TENM2: variants seen among roughly 807,000 people sequenced by gnomAD.
The protein encoded by TENM2 is teneurin transmembrane protein 2, also known as teneurin-2.
A neutral mutation model predicts 245.2 loss-of-function variants in TENM2; 52 were observed. The ratio of observed to expected loss-of-function variants is 0.21; its 90% CI spans 0.17 to 0.27. The LOEUF (loss-of-function observed/expected upper bound fraction) is 0.27, where lower values mean the gene tolerates loss of function less well. TENM2 is among the 10% of genes least tolerant of loss of function. TENM2 has a pLI of 1.00. For missense variants in TENM2, 3,046 were observed against 3,666.8 expected, an observed-to-expected ratio of 0.83 and a Z score of 4.37; for synonymous variants, 1,363 against 1,438.9, an observed-to-expected ratio of 0.95 and a Z score of 1.19.
At chr5:167,626,728 A>C (rs982153672) in intron 2 of TENM2, among the ~76,000 whole-genome samples, 1 of 152,194 alleles carries the variant, frequency 6.6e-6, no homozygotes, top group Non-Finnish European at 1.5e-5. Context: ...AACACCAAGC[A>C]AAAGGGAAAT....
chr5:167,432,765 C>T (rs1320605023), intron 2 of TENM2, among the ~76,000 whole-genome samples: 1 of 152,026 alleles, frequency 6.6e-6, no homozygotes, highest in Non-Finnish European at 1.5e-5. Context: ...TTCCACCGCA[C>T]ATCTGAGAAT....
chr5:168,055,598 C>T (rs888015591), intron 6 of TENM2, among the ~76,000 whole-genome samples: 1 of 152,158 alleles, frequency 6.6e-6, no homozygotes, highest in African/African-American at 2.4e-5. Context: ...TTATTAAGGG[C>T]TACTCCACCC....
chr5:167,755,144 C>A, intron 2 of TENM2: 1 of 1,599,154 alleles, frequency 6.3e-7, no homozygotes, highest in Non-Finnish European at 8.5e-7. Context: ...CAGTACCTCA[C>A]CTCAGTCTGT....
At chr5:167,812,503 T>A (rs1290039373) in intron 2 of TENM2, among the ~76,000 whole-genome samples, 2 of 152,208 alleles carry the variant, frequency 1.3e-5, no homozygotes, top group African/African-American at 4.8e-5. Flanking sequence ...TGAAGCTTTT[T>A]ATTTCTTTAA....
rs1034961726 is a variant in TENM2 at position 168,215,027 on chromosome 5, T to G, written c.3846-13T>G. 9.3e-6 allele frequency: 15 copies of G among 1,612,560 alleles called. No homozygotes were observed. Among genetic ancestry groups the G allele is most frequent in the East Asian group, 2.2e-5 (1 of 44,856 alleles). Reference sequence around the variant, plus strand: ...CCCCCTCCTCATTTCTCTTTGTGCTTCTTCTACTAAAGCAACAACCCAGCA... The same window carrying G: ...CCCCCTCCTCATTTCTCTTTGTGCTGCTTCTACTAAAGCAACAACCCAGCA... On this transcript the variant is annotated splice_polypyrimidine_tract_variant and intron_variant, in intron 20 of 28. Coordinates refer to ENST00000518659, the Ensembl canonical transcript of TENM2.
chr5:167,333,351 A>G (rs903340126), intron 1 of TENM2, among the ~76,000 whole-genome samples: 9 of 152,192 alleles, frequency 5.9e-5, no homozygotes, highest in Admixed American at 1.3e-4. Flanking sequence ...AAGTAAGCAC[A>G]ATGTTAGCAC....
intron 1 of TENM2, among the ~76,000 whole-genome samples, chr5:167,339,958 T>C (rs1390341806): frequency 6.6e-6 from 1 of 152,248 alleles, no homozygotes; most frequent in Non-Finnish European, 1.5e-5. Flanking sequence ...AATACATTTC[T>C]GTGCTTTATA....
chr5:167,200,677 G>A, the TENM2 span, among the ~76,000 whole-genome samples: 1 of 152,072 alleles, frequency 6.6e-6, no homozygotes, highest in Admixed American at 6.6e-5. Context: ...CAAGCGATGA[G>A]AACCGTGGCA....
chr5:167,739,941 C>A (rs1761059380), intron 2 of TENM2, among the ~76,000 whole-genome samples: 1 of 152,172 alleles, frequency 6.6e-6, no homozygotes, highest in African/African-American at 2.4e-5. Context: ...CTTGTTATCT[C>A]CTGGAAATAG....
intron 2 of TENM2, among the ~76,000 whole-genome samples, chr5:167,750,163 C>T (rs187950996): frequency 5.0e-4 from 76 of 152,220 alleles, no homozygotes; most frequent in Middle Eastern, 3.4e-3. Flanking sequence ...TTGGATTAAA[C>T]GATGAACTGA....
At chr5:167,129,778 T>C in the TENM2 span, among the ~76,000 whole-genome samples, 2 of 152,178 alleles carry the variant, frequency 1.3e-5, no homozygotes, top group Non-Finnish European at 2.9e-5. Flanking sequence ...GTGATTTTTT[T>C]CCCTTGACCC....
chr5:167,131,290 G>C, the TENM2 span, among the ~76,000 whole-genome samples: 2 of 152,152 alleles, frequency 1.3e-5, no homozygotes, highest in Non-Finnish European at 2.9e-5. Flanking sequence ...TCAAATCAGA[G>C]TATAAAAGGT....
chr5:168,010,766 G>T lies in TENM2; in HGVS notation c.1186+17584G>T, dbSNP rs1785160367. Among the ~76,000 whole-genome samples, 3 of 152,366 alleles carry T rather than the reference G, an allele frequency of 2.0e-5. No individual in the cohort carries two copies. In the South Asian group the frequency reaches 6.2e-4, roughly 32 times the overall value. ...TATTCTGCAGCTACGCTGATTAGCA[G>T]ATCTTTTATAGTTTCCGTGTGGGAG... On this transcript the variant is annotated intron_variant, in intron 5 of 28. Coordinates refer to ENST00000518659, the Ensembl canonical transcript of TENM2.
chr5:167,388,339 T>C (rs1360779192), intron 2 of TENM2, among the ~76,000 whole-genome samples: 1 of 152,170 alleles, frequency 6.6e-6, no homozygotes, highest in Non-Finnish European at 1.5e-5. Flanking sequence ...TGTATTTCTG[T>C]GGTGTCAGTT....
rs397709104 is a variant in TENM2 at position 167,318,428 on chromosome 5, AT to A, written c.226+33379del. On this transcript the variant is annotated intron_variant, in intron 1 of 28. Transcript: ENST00000518659. ...AATTTAAGAATAGATGAAGTTGTTC[AT>A]TTTTTTTTTTTTTACACAATTACAT... Among the ~76,000 whole-genome samples, 805 of 144,414 alleles carry A rather than the reference AT, an allele frequency of 5.6e-3. 4 individuals are homozygous for A. The highest frequency in any genetic ancestry group is 9.2e-3 in the African/African-American group (364 of 39,606). 94.7% of individuals were successfully genotyped at this position (144,414 alleles called of 152,430 possible).
intron 2 of TENM2, among the ~76,000 whole-genome samples, chr5:167,508,028 C>T (rs1484305448): frequency 2.6e-5 from 4 of 152,046 alleles, no homozygotes; most frequent in African/African-American, 9.7e-5. Flanking sequence ...TAAAGATATA[C>T]AACTCAAGTT....
At chr5:167,344,867 C>A (rs1758362635) in intron 1 of TENM2, among the ~76,000 whole-genome samples, 1 of 152,082 alleles carries the variant, frequency 6.6e-6, no homozygotes, top group Non-Finnish European at 1.5e-5. Context: ...CCTGGTGACC[C>A]CTTTATCTGA....
intron 2 of TENM2, among the ~76,000 whole-genome samples, chr5:167,475,373 G>A (rs1376987726): frequency 6.6e-6 from 1 of 151,536 alleles, no homozygotes; most frequent in Non-Finnish European, 1.5e-5. Context: ...AAATAAAACT[G>A]AGAAATCATG....
At chr5:168,164,917 A>G (rs1164925289) in intron 13 of TENM2, among the ~76,000 whole-genome samples, 1 of 152,216 alleles carries the variant, frequency 6.6e-6, no homozygotes, top group African/African-American at 2.4e-5. Flanking sequence ...CACTGCCTTC[A>G]TGGCCCCAAC....
Sources: gnomAD v4.1 joint callset for allele counts (sites outside exome capture counted in the v4.1 genomes callset) on GRCh38, gnomAD v4.1.1 for gene constraint, MANE v1.5 for transcripts, NCBI Gene and HGNC (gene_info 2026-07-23, HGNC 2026-07-21) for gene names.